The following MACROD2 variants were observed in gnomAD, a reference collection of about 807,000 sequenced individuals.
MACROD2 encodes ADP-ribose glycohydrolase MACROD2.
A neutral mutation model predicts 70.4 loss-of-function variants in MACROD2; 36 were observed. The observed-to-expected ratio is 0.51, with a 90% CI of 0.39 to 0.68. The LOEUF (loss-of-function observed/expected upper bound fraction) is 0.68. MACROD2 is among the 30% of genes least tolerant of loss of function. MACROD2 has a pLI of 0.00. For missense variants in MACROD2, 496 were observed against 538.4 expected (o/e 0.92, Z 0.78); for synonymous variants, 172 against 178.8 (o/e 0.96, Z 0.30).
chr20:14,052,753 A>G (rs1203179775), intron 2 of MACROD2, among the ~76,000 whole-genome samples: 1 of 152,106 alleles, frequency 6.6e-6, no homozygotes, highest in Admixed American at 6.6e-5. Flanking sequence ...TTTCTAAGAA[A>G]TTCTTTTATT....
intron 4 of MACROD2, among the ~76,000 whole-genome samples, chr20:14,530,051 C>T (rs573195850): frequency 2.6e-5 from 4 of 152,230 alleles, no homozygotes; most frequent in African/African-American, 4.8e-5. Flanking sequence ...GACCGAAGCT[C>T]ATTGCCATAG....
intron 5 of MACROD2, among the ~76,000 whole-genome samples, chr20:15,072,928 C>T (rs2075629895): frequency 1.3e-5 from 2 of 152,164 alleles, no homozygotes; most frequent in Non-Finnish European, 2.9e-5. Context: ...GGGCACCATC[C>T]TCATGAATAG....
chr20:14,016,146 A>T (rs2052988080), intron 2 of MACROD2, among the ~76,000 whole-genome samples: 1 of 151,968 alleles, frequency 6.6e-6, no homozygotes, highest in Admixed American at 6.6e-5. Flanking sequence ...CTTGGCCATT[A>T]TTTATTTTCT....
intron 7 of MACROD2, among the ~76,000 whole-genome samples, chr20:15,467,323 T>G (rs967073973): frequency 4.3e-4 from 66 of 152,384 alleles, no homozygotes; most frequent in African/African-American, 1.5e-3. Flanking sequence ...CAGTGGCAAC[T>G]GCTTTGTCCT....
intron 4 of MACROD2, among the ~76,000 whole-genome samples, chr20:14,535,148 G>A (rs181773535): frequency 4.8e-4 from 73 of 152,306 alleles, no homozygotes; most frequent in Middle Eastern, 6.8e-3. Context: ...GAGGATTGAA[G>A]GAACTGCCAA....
intron 2 of MACROD2, among the ~76,000 whole-genome samples, chr20:14,029,885 C>T (rs1394688059): frequency 6.6e-6 from 1 of 152,106 alleles, no homozygotes; most frequent in African/African-American, 2.4e-5. Context: ...GAGTTTCTTT[C>T]TTAATGTAAG....
At chr20:15,511,493 A>T (rs957696359) in intron 8 of MACROD2, among the ~76,000 whole-genome samples, 4 of 152,162 alleles carry the variant, frequency 2.6e-5, no homozygotes, top group African/African-American at 9.7e-5. Flanking sequence ...CTGGAGACAA[A>T]ACTGGGTTTC....
chr20:14,162,962 CTTA>C (rs2055212053), intron 3 of MACROD2, among the ~76,000 whole-genome samples: 2 of 152,036 alleles, frequency 1.3e-5, no homozygotes, highest in South Asian at 4.2e-4. Context: ...TTCATTCTCT[CTTA>C]TTGTTTATCT....
At chr20:14,149,722 A>G (rs1420932201) in intron 3 of MACROD2, among the ~76,000 whole-genome samples, 3 of 152,064 alleles carry the variant, frequency 2.0e-5, no homozygotes, top group Non-Finnish European at 4.4e-5. Context: ...TTTGATGTGC[A>G]TTTCTCTGAT....
chr20:15,393,091 C>G (rs560816334), intron 6 of MACROD2, among the ~76,000 whole-genome samples: 1 of 151,870 alleles, frequency 6.6e-6, no homozygotes, highest in Admixed American at 6.6e-5. Context: ...CTAAGAGTGG[C>G]CTATAATTCT....
chr20:15,009,573 G>A (rs1288562999), intron 5 of MACROD2, among the ~76,000 whole-genome samples: 1 of 152,038 alleles, frequency 6.6e-6, no homozygotes, highest in Non-Finnish European at 1.5e-5. Context: ...AGCATGTTTT[G>A]TTTATCTGAG....
At chr20:15,454,354 C>T (rs2046686850) in intron 7 of MACROD2, among the ~76,000 whole-genome samples, 1 of 151,428 alleles carries the variant, frequency 6.6e-6, no homozygotes, top group African/African-American at 2.4e-5. Context: ...CACTGCCTTC[C>T]CCTCTCATGT....
intron 3 of MACROD2, among the ~76,000 whole-genome samples, chr20:14,370,426 A>T (rs913267505): frequency 2.0e-5 from 3 of 152,226 alleles, no homozygotes; most frequent in South Asian, 4.1e-4. Flanking sequence ...ACCAAAATTT[A>T]GGATAAAATA....
chr20:14,076,338 A>C (rs988064011), intron 2 of MACROD2, among the ~76,000 whole-genome samples: 2 of 152,126 alleles, frequency 1.3e-5, no homozygotes, highest in South Asian at 4.1e-4. Context: ...AAATGTGGAA[A>C]CTAACCCAAA....
chr20:14,480,404 G>A (rs980290191), intron 3 of MACROD2, among the ~76,000 whole-genome samples: 1 of 152,120 alleles, frequency 6.6e-6, no homozygotes, highest in African/African-American at 2.4e-5. Context: ...CACATCTATT[G>A]CATCTGGAAT....
At chr20:15,709,275 C>T (rs1177596629) in intron 8 of MACROD2, among the ~76,000 whole-genome samples, 4 of 152,120 alleles carry the variant, frequency 2.6e-5, no homozygotes, top group South Asian at 4.1e-4. Flanking sequence ...TCCAGGCTCC[C>T]GCTATCTAAT....
chr20:14,578,762 A>C (rs1319441155), intron 4 of MACROD2, among the ~76,000 whole-genome samples: 1 of 152,216 alleles, frequency 6.6e-6, no homozygotes, highest in African/African-American at 2.4e-5. Context: ...AAGAGCTGAT[A>C]TCGGGGAAGG....
chr20:15,937,845 G>A (rs1264827164), intron 12 of MACROD2, among the ~76,000 whole-genome samples: 1 of 151,898 alleles, frequency 6.6e-6, no homozygotes, highest in African/African-American at 2.4e-5. Context: ...GTTTAGAGAT[G>A]TTTATTTAAA....
At chr20:15,148,899 C>T (rs1032305615) in intron 5 of MACROD2, among the ~76,000 whole-genome samples, 1 of 151,992 alleles carries the variant, frequency 6.6e-6, no homozygotes, top group Non-Finnish European at 1.5e-5. Context: ...ATACTAAGAG[C>T]CTGAAAAACT....
Sources: allele counts gnomAD v4.1 joint callset (sites outside exome capture counted in the v4.1 genomes callset), GRCh38; gene constraint gnomAD v4.1.1; transcripts MANE v1.5; gene names NCBI Gene and HGNC (gene_info 2026-07-23, HGNC 2026-07-21).